ATP6V1D: variants seen among roughly 807,000 people sequenced by gnomAD.
The protein encoded by ATP6V1D is ATPase H+ transporting V1 subunit D.
In ATP6V1D, 20 loss-of-function variants were observed where a neutral mutation model predicts 39.4. That is an observed-to-expected ratio of 0.51 (90% CI 0.36 to 0.74). ATP6V1D has a LOEUF of 0.74. ATP6V1D is among the 30% of genes least tolerant of loss of function. The pLI, the probability that ATP6V1D is intolerant of heterozygous loss-of-function variation, is 0.00. For missense variants in ATP6V1D, 228 were observed against 291.6 expected (o/e 0.78, Z 1.59); for synonymous variants, 100 against 100.5 (o/e 0.99, Z 0.03).
At chr14:67,359,160 C>T (rs17184217) in intron 1 of ATP6V1D, among the ~76,000 whole-genome samples, 5,156 of 152,248 alleles carry the variant, frequency 0.034, 121 homozygotes, top group Middle Eastern at 0.061. Context: ...AGATCGAATC[C>T]GAGGGCTATG....
chr14:67,359,561 C>G, intron 1 of ATP6V1D, 97 bp downstream of exon 1: 2 of 1,392,588 alleles, frequency 1.4e-6, no homozygotes, highest in South Asian at 1.2e-5. Context: ...AGGATCCTCC[C>G]AGGAAACAAG....
At chr14:67,340,980 A>G (rs563639939) in intron 7 of ATP6V1D, among the ~76,000 whole-genome samples, 1 of 152,282 alleles carries the variant, frequency 6.6e-6, no homozygotes, top group East Asian at 1.9e-4. Flanking sequence ...TCAGTGCTCA[A>G]TGGTGCCCAG....
chr14:67,357,671 C>A (rs2085694523), intron 1 of ATP6V1D, among the ~76,000 whole-genome samples: 1 of 152,168 alleles, frequency 6.6e-6, no homozygotes, highest in Non-Finnish European at 1.5e-5. Flanking sequence ...CAGTAAACCA[C>A]TGATAGTAGG....
Position 67,349,107 on chromosome 14 carries a change from G to A in ATP6V1D, c.240-3C>T. On this transcript the variant is annotated splice_polypyrimidine_tract_variant and splice_region_variant and intron_variant, in intron 3 of 8. Transcript: ENST00000216442. Reference sequence around the variant, plus strand: ...TGACATTTTGGATAACTGTAGTGCTGCAGAAAAAGAGAAAGACTTTATTTA... The same window carrying A: ...TGACATTTTGGATAACTGTAGTGCTACAGAAAAAGAGAAAGACTTTATTTA... 1.2e-6 allele frequency: 2 copies of A among 1,613,180 alleles called. No homozygotes were observed. The highest frequency in any genetic ancestry group is 1.7e-6 in the Non-Finnish European group (2 of 1,179,496).
At chr14:67,352,698 C>G in intron 2 of ATP6V1D, 1 of 412,048 alleles carries the variant, frequency 2.4e-6, no homozygotes, top group East Asian at 4.3e-5. Context: ...GTAAGAGAGG[C>G]AGGCGGGGGG....
At chr14:67,349,379 G>C (rs985404038) in intron 3 of ATP6V1D, among the ~76,000 whole-genome samples, 17 of 152,324 alleles carry the variant, frequency 1.1e-4, no homozygotes, top group African/African-American at 3.8e-4. Context: ...TTCAGTCAGA[G>C]GTGTGCTACA....
At chr14:67,354,735 A>C (rs1253185417) in intron 1 of ATP6V1D, among the ~76,000 whole-genome samples, 2 of 152,246 alleles carry the variant, frequency 1.3e-5, no homozygotes, top group Non-Finnish European at 2.9e-5. Flanking sequence ...AAAAACTGGC[A>C]AGAGTTACCT....
chr14:67,340,601 T>A (rs1203746420), intron 7 of ATP6V1D, 83 bp from the exon 8 acceptor site: 2 of 1,164,858 alleles, frequency 1.7e-6, no homozygotes, highest in East Asian at 2.4e-5. Context: ...ATAACAGTTA[T>A]TTTTTCCTAA....
intron 3 of ATP6V1D, 24 bp downstream of exon 3, chr14:67,350,587 A>C: frequency 1.3e-6 from 2 of 1,596,468 alleles, no homozygotes; most frequent in Non-Finnish European, 1.7e-6. Context: ...TTTTGCTTCA[A>C]AACACCCCGT....
intron 1 of ATP6V1D, among the ~76,000 whole-genome samples, chr14:67,355,449 CAAAAAAAAAAAAAAAAAAA>C (rs564931669): frequency 5.3e-5 from 1 of 18,944 alleles, no homozygotes; most frequent in Non-Finnish European, 1.1e-4. Flanking sequence ...GACCCTGTCT[CAAAAAAAAAAAAAAAAAAA>C]AAAAAAAAAA....
intron 1 of ATP6V1D, among the ~76,000 whole-genome samples, chr14:67,358,950 TC>T (rs1010163563): frequency 2.5e-4 from 38 of 152,188 alleles, no homozygotes; most frequent in African/African-American, 9.2e-4. Context: ...CACTCTTTCA[TC>T]CTGGAGAGAG....
At chr14:67,340,582 C>T (rs2085572860) in intron 7 of ATP6V1D, 64 bp from the exon 8 acceptor site, 1 of 1,316,768 alleles carries the variant, frequency 7.6e-7, no homozygotes, top group Non-Finnish European at 1.1e-6. Context: ...ATTATCAGTG[C>T]TCATTTGTAT....
chr14:67,356,183 G>A (rs1194902734), intron 1 of ATP6V1D, among the ~76,000 whole-genome samples: 2 of 152,088 alleles, frequency 1.3e-5, no homozygotes, highest in Non-Finnish European at 2.9e-5. Flanking sequence ...ACTTTGGGAG[G>A]CCGAGGCAGG....
chr14:67,356,375 C>CG (rs2085684865), intron 1 of ATP6V1D, among the ~76,000 whole-genome samples: 1 of 150,720 alleles, frequency 6.6e-6, no homozygotes, highest in Admixed American at 6.6e-5. Flanking sequence ...GAGCCAAGAT[C>CG]GGGTCACTGC....
rs888061009 is a variant in ATP6V1D at position 67,349,032 on chromosome 14, G to A, written c.307+5C>T. On this transcript the variant is annotated splice_donor_5th_base_variant and intron_variant, in intron 4 of 8. Transcript: ENST00000216442. ...CAAAGGGTTTCTAAAAGGTTGAAAC[G>A]TTACCTGCTACATTATCTTTCTTCG... 42 of 1,613,368 alleles carry A rather than the reference G, an allele frequency of 2.6e-5. No homozygotes were observed. Among genetic ancestry groups the A allele is most frequent in the Middle Eastern group, 1.6e-4 (1 of 6,080 alleles).
Position 67,341,979 on chromosome 14 carries a change from G to A in ATP6V1D, c.523+1393C>T, listed in dbSNP as rs1012006362. Among the ~76,000 whole-genome samples the A allele has an allele frequency of 9.9e-5, 15 of 151,840 alleles. No homozygotes were observed. The South Asian group carries it at 3.1e-3, about 32-fold the overall frequency. On this transcript the variant is annotated intron_variant, in intron 7 of 8. Coordinates refer to ENST00000216442, the MANE Select transcript of ATP6V1D (RefSeq NM_015994.4). ...GATGTGCTTTGTTAAACAGATGCTTGAAGGCAGCATGCTCGTTAAGAGTCA... is the reference window on the plus strand; with the variant it reads ...GATGTGCTTTGTTAAACAGATGCTTAAAGGCAGCATGCTCGTTAAGAGTCA...
At position 67,338,670 on chromosome 14, in the gene ATP6V1D, G is replaced by A. The variant is rs775421239; in HGVS notation, c.695C>T (p.Pro232Leu). 2 of 1,614,048 alleles carry A rather than the reference G, an allele frequency of 1.2e-6. No homozygotes were observed. The highest frequency in any genetic ancestry group is 1.7e-6 in the Non-Finnish European group (2 of 1,179,992). Reference sequence around the variant, plus strand: ...CTTCTCTTCAGCCAGAAGATTAGCAGGCTCCAACACCTCTCCAGCTGCTCT... The same window carrying A: ...CTTCTCTTCAGCCAGAAGATTAGCAAGCTCCAACACCTCTCCAGCTGCTCT... ...QRRAAGEVLE[P>L]ANLLAEEKDE... Residue 232 changes from proline to leucine, a missense_variant, in exon 9 of 9, where the codon CCT (proline) becomes CTT (leucine). By Grantham distance (98) the Pro-to-Leu change is moderately conservative (BLOSUM62 -3). Transcript: ENST00000216442.
At chr14:67,347,075 C>T (rs571804777) in intron 5 of ATP6V1D, among the ~76,000 whole-genome samples, 4 of 152,200 alleles carry the variant, frequency 2.6e-5, no homozygotes, top group Non-Finnish European at 5.9e-5. Context: ...CAACTACCTC[C>T]CCAGCTCAAG....
rs758731611 is a variant in ATP6V1D, at chr14:67,340,538, AAT to A, written c.524-22_524-21del. 6.3e-7 allele frequency: 1 copy of A among 1,587,026 alleles called. No individual in the cohort carries two copies. The highest frequency in any genetic ancestry group is 8.6e-7 in the Non-Finnish European group (1 of 1,156,634). The stretch of plus-strand genomic sequence containing the variant: ...TGATGACTAGAATAAAAAAAAAAAT[AAT>A]ATGTGTGAGAACTTCAAACCCCTTT... On this transcript the variant is annotated intron_variant, in intron 7 of 8. Transcript: ENST00000216442.
Sources: allele counts gnomAD v4.1 joint callset (sites outside exome capture counted in the v4.1 genomes callset), GRCh38; gene constraint gnomAD v4.1.1; transcripts MANE v1.5; gene names NCBI Gene and HGNC (gene_info 2026-07-23, HGNC 2026-07-21).